Variants in IQCK observed in about 807,000 individuals in gnomAD.
IQCK encodes IQ domain-containing protein K.
Under a neutral mutation model 28.1 loss-of-function variants are expected in IQCK, and 29 were observed. That is an observed-to-expected ratio of 1.03 (90% CI 0.77 to 1.41). IQCK has a LOEUF of 1.41. IQCK is among the 40% of genes most tolerant of loss of function. IQCK has a pLI of 0.00. For missense variants in IQCK, 359 were observed against 314.7 expected (o/e 1.14, Z -1.07); for synonymous variants, 113 against 115.1 (o/e 0.98, Z 0.12).
intron 6 of IQCK, among the ~76,000 whole-genome samples, chr16:19,780,426 C>T (rs562423454): frequency 6.6e-6 from 1 of 152,132 alleles, no homozygotes; most frequent in African/African-American, 2.4e-5. Context: ...CCTCCTTGGC[C>T]TCTCTAAGTG....
chr16:19,769,809 C>A (rs550408892), intron 6 of IQCK, among the ~76,000 whole-genome samples: 1 of 152,182 alleles, frequency 6.6e-6, no homozygotes, highest in Non-Finnish European at 1.5e-5. Context: ...GCTACTAGTT[C>A]CAAGCCTGTC....
chr16:19,726,537 TAATA>T (rs1597495285), intron 1 of IQCK, among the ~76,000 whole-genome samples: 1 of 152,266 alleles, frequency 6.6e-6, no homozygotes, highest in Non-Finnish European at 1.5e-5. Context: ...ACATTGTTTA[TAATA>T]ATAAAATAAT....
intron 1 of IQCK, 70 bp downstream of exon 1, chr16:19,718,557 C>G: frequency 7.2e-7 from 1 of 1,389,100 alleles, no homozygotes; most frequent in African/African-American, 1.5e-5. Context: ...TTGGGGAGCG[C>G]CCACTGTGCG....
chr16:19,744,811 A>G (rs1354864813), intron 4 of IQCK, among the ~76,000 whole-genome samples: 2 of 152,242 alleles, frequency 1.3e-5, no homozygotes, highest in Non-Finnish European at 2.9e-5. Context: ...GTGTTAAACA[A>G]ATATACTCTG....
At chr16:19,844,442 T>G (rs2056393413) in intron 9 of IQCK, among the ~76,000 whole-genome samples, 1 of 152,122 alleles carries the variant, frequency 6.6e-6, no homozygotes, top group South Asian at 2.1e-4. Context: ...TCAGGAGGGC[T>G]TTATAGGAAA....
intron 6 of IQCK, among the ~76,000 whole-genome samples, chr16:19,785,377 C>T (rs886674915): frequency 1.2e-4 from 19 of 152,134 alleles, no homozygotes; most frequent in African/African-American, 4.6e-4. Flanking sequence ...GAAGCAGACA[C>T]ATTTGAGGAG....
At chr16:19,857,830 C>G (rs2056581928) in exon 10 of IQCK, 1 of 153,486 alleles carries the variant, frequency 6.5e-6, no homozygotes, top group Admixed American at 6.6e-5. Context: ...ATGCACAGAA[C>G]TTCCCAGTTT....
chr16:19,801,299 TC>T (rs67420762), intron 7 of IQCK, among the ~76,000 whole-genome samples: 5,357 of 98,212 alleles, frequency 0.055, 199 homozygotes, highest in Non-Finnish European at 0.069. Context: ...TCTCTCTCTC[TC>T]TCTTTTTTTT....
chr16:19,856,550 C>T (rs779945931), exon 10 of IQCK: 40 of 1,612,342 alleles, frequency 2.5e-5, no homozygotes, highest in Non-Finnish European at 3.1e-5. Context: ...TCATCTTAAC[C>T]ATAGCTAAGA....
chr16:19,846,829 T>C (rs1470621252), intron 9 of IQCK, among the ~76,000 whole-genome samples: 1 of 151,982 alleles, frequency 6.6e-6, no homozygotes, highest in Non-Finnish European at 1.5e-5. Flanking sequence ...TTTTTTTTTC[T>C]TTTTTTCCTG....
chr16:19,835,235 A>T (rs2056279693), intron 9 of IQCK, among the ~76,000 whole-genome samples: 1 of 151,656 alleles, frequency 6.6e-6, no homozygotes, highest in African/African-American at 2.4e-5. Flanking sequence ...GTGAGCCGAG[A>T]TCACACTACT....
At chr16:19,801,388 TCCGCCTGCTG>T in intron 7 of IQCK, among the ~76,000 whole-genome samples, 1 of 112,282 alleles carries the variant, frequency 8.9e-6, no homozygotes, top group South Asian at 3.1e-4. Context: ...CACTGCAGCC[TCCGCCTGCTG>T]GGCTCAAGTG....
intron 6 of IQCK, among the ~76,000 whole-genome samples, chr16:19,784,698 G>T (rs1157061800): frequency 6.6e-6 from 1 of 152,208 alleles, no homozygotes; most frequent in African/African-American, 2.4e-5. Flanking sequence ...TCCAAACTGG[G>T]CCAAGGACCA....
At position 19,798,421 on chromosome 16, in the gene IQCK, A is replaced by AATAT. The variant is rs59816251; in HGVS notation, c.690+9520_690+9523dup. Among the ~76,000 whole-genome samples the AATAT allele has an allele frequency of 1.2e-3, 139 of 115,470 alleles. 1 individual carries two copies. The highest frequency in any genetic ancestry group is 3.8e-3 in the Middle Eastern group (1 of 262). The allele number at this position is 115,470 out of a possible 152,430, so 75.8% of individuals were successfully genotyped here. A position where few individuals can be genotyped will look rare whatever the true frequency, so the allele number is the denominator to read the frequency against. On this transcript the variant is annotated intron_variant, in intron 7 of 7. Transcript: ENST00000564186. ...GACAGAGCCAGAGTCCATCACAAAA[A>AATAT]ATATATATATATATATATATATATT...
At chr16:19,814,729 C>T (rs2055960405) in intron 7 of IQCK, among the ~76,000 whole-genome samples, 1 of 146,616 alleles carries the variant, frequency 6.8e-6, no homozygotes, top group African/African-American at 2.5e-5. Context: ...AGTAATATAG[C>T]AATATTAAGG....
chr16:19,775,648 G>A (rs1381624646), intron 6 of IQCK, among the ~76,000 whole-genome samples: 1 of 152,136 alleles, frequency 6.6e-6, no homozygotes, highest in Non-Finnish European at 1.5e-5. Context: ...AAAGACTGTT[G>A]TAGGTTGGAC....
intron 9 of IQCK, among the ~76,000 whole-genome samples, chr16:19,840,335 G>A (rs1217714025): frequency 1.3e-5 from 2 of 152,102 alleles, no homozygotes; most frequent in Non-Finnish European, 2.9e-5. Context: ...CAGCCTGGGC[G>A]ACAGAGCGAG....
chr16:19,768,700 C>T (rs971193932), intron 6 of IQCK, among the ~76,000 whole-genome samples: 4 of 151,998 alleles, frequency 2.6e-5, no homozygotes, highest in African/African-American at 4.8e-5. Context: ...GAGCCAAGTT[C>T]GCACCACTGC....
chr16:19,812,112 C>T (rs1182388034), intron 7 of IQCK, among the ~76,000 whole-genome samples: 1 of 151,944 alleles, frequency 6.6e-6, no homozygotes, highest in African/African-American at 2.4e-5. Flanking sequence ...CTTAGCCTCC[C>T]CAGTGGCTGG....
Sources: gnomAD v4.1 joint callset for allele counts (sites outside exome capture counted in the v4.1 genomes callset) on GRCh38, gnomAD v4.1.1 for gene constraint, MANE v1.5 for transcripts, NCBI Gene and HGNC (gene_info 2026-07-23, HGNC 2026-07-21) for gene names.